DPYSL5: variants seen among roughly 807,000 people sequenced by gnomAD.
The protein encoded by DPYSL5 is dihydropyrimidinase-related protein 5.
Under a neutral mutation model 58.4 loss-of-function variants are expected in DPYSL5, and 9 were observed. That is an observed-to-expected ratio of 0.15 (90% confidence interval 0.09 to 0.27). The LOEUF (loss-of-function observed/expected upper bound fraction) is 0.27. Ranked by LOEUF, DPYSL5 falls within the 10% of genes least tolerant of loss-of-function variation. The probability of loss-of-function intolerance (pLI) is 1.00; values close to 1 mark genes in which losing one functional copy is unlikely to be tolerated. For missense variants in DPYSL5, 499 were observed against 770.6 expected, an observed-to-expected ratio of 0.65 and a Z score of 4.17; for synonymous variants, 293 against 301.9, an observed-to-expected ratio of 0.97 and a Z score of 0.31.
At chr2:26,855,205 G>A (rs891994782) in intron 1 of DPYSL5, among the ~76,000 whole-genome samples, 3 of 151,356 alleles carry the variant, frequency 2.0e-5, no homozygotes, top group Non-Finnish European at 2.9e-5. Context: ...TGAGGCGGGT[G>A]GGTCATAAAG....
intron 5 of DPYSL5, among the ~76,000 whole-genome samples, chr2:26,929,632 C>A (rs1417887286): frequency 1.3e-5 from 2 of 152,236 alleles, no homozygotes; most frequent in African/African-American, 4.8e-5. Context: ...TTCCACGAAA[C>A]CGGTCCCTGG....
At chr2:26,928,710 C>T (rs77861741) in intron 5 of DPYSL5, among the ~76,000 whole-genome samples, 23 of 40,668 alleles carry the variant, frequency 5.7e-4, no homozygotes, top group African/African-American at 9.6e-4. Context: ...TATATACACA[C>T]ACACACATAC....
chr2:26,851,847 C>T (rs987100872), intron 1 of DPYSL5, among the ~76,000 whole-genome samples: 1 of 152,054 alleles, frequency 6.6e-6, no homozygotes, highest in Non-Finnish European at 1.5e-5. Flanking sequence ...TGGGAGGAGG[C>T]TGAGGTGGAG....
At chr2:26,867,269 A>G (rs1033463452) in intron 1 of DPYSL5, among the ~76,000 whole-genome samples, 1 of 152,200 alleles carries the variant, frequency 6.6e-6, no homozygotes, top group Admixed American at 6.5e-5. Flanking sequence ...TTGGATTTAC[A>G]TTTTGGTAAA....
In DPYSL5 at chr2:26,947,457, A is replaced by C. The variant is rs1325634046; in HGVS notation, c.*462A>C. ...TTAGGCCCCGTGGTGACATTTCCCA[A>C]GTCAGACAGATGTCAGCTTCCCAGC... On this transcript the variant is annotated 3_prime_UTR_variant, in exon 13 of 13. Transcript: ENST00000288699. The surrounding 1 kb of genome is among the most constrained non-coding windows in gnomAD (Gnocchi z 4.2). 2 of 155,966 alleles carry C rather than the reference A, an allele frequency of 1.3e-5. No individual in the cohort carries two copies. Among genetic ancestry groups the C allele is most frequent in the African/African-American group, 4.8e-5 (2 of 41,558 alleles). 9.7% of individuals were successfully genotyped at this position (155,966 alleles called of 1,614,324 possible). A position where few individuals can be genotyped will look rare whatever the true frequency, so the allele number is the denominator to read the frequency against.
intron 1 of DPYSL5, among the ~76,000 whole-genome samples, chr2:26,865,958 G>A (rs1411931665): frequency 6.6e-6 from 1 of 152,154 alleles, no homozygotes; most frequent in Admixed American, 6.5e-5. Flanking sequence ...CACTCATTTT[G>A]AACCCCACCA....
chr2:26,939,737 C>A, intron 8 of DPYSL5: 1 of 333,868 alleles, frequency 3.0e-6, no homozygotes, highest in Admixed American at 4.3e-5. Context: ...TTCAGCTAGA[C>A]TCTAAGTTCG....
At chr2:26,888,704 G>A (rs578162906) in intron 1 of DPYSL5, among the ~76,000 whole-genome samples, 6 of 152,272 alleles carry the variant, frequency 3.9e-5, no homozygotes, top group South Asian at 2.1e-4. Context: ...AGTTTTTGGC[G>A]AAACATATGG....
chr2:26,933,406 T>C lies in DPYSL5; in HGVS notation c.790+73T>C. 2 of 1,411,890 alleles carry C rather than the reference T, an allele frequency of 1.4e-6. No individual in the cohort carries two copies. Among genetic ancestry groups the C allele is most frequent in the African/African-American group, 2.8e-5 (2 of 71,086 alleles). The allele number at this position is 1,411,890 out of a possible 1,614,324, so 87.5% of individuals were successfully genotyped here. ...GGAGATGGATGGGGCCCATTAGCCG[T>C]GCTCACTCCTGGCCCCGGCTCCTGA... On this transcript the variant is annotated intron_variant, in intron 7 of 12. Coordinates refer to ENST00000288699, the MANE Select transcript of DPYSL5 (RefSeq NM_020134.4). This position sits in a 1 kb window ranked among gnomAD's most constrained non-coding sequence, Gnocchi z 4.2.
chr2:26,859,264 C>G (rs147496166), intron 1 of DPYSL5, among the ~76,000 whole-genome samples: 171 of 151,996 alleles, frequency 1.1e-3, no homozygotes, highest in African/African-American at 4.0e-3. Flanking sequence ...ATAGTACAAC[C>G]ACAAAAATCC....
chr2:26,881,707 A>G (rs1301057318), intron 1 of DPYSL5, among the ~76,000 whole-genome samples: 3 of 152,146 alleles, frequency 2.0e-5, no homozygotes, highest in Admixed American at 2.0e-4. Context: ...TTTTAAGTAC[A>G]AGTATCTGGT....
rs1553323425 is a variant in DPYSL5, at chr2:26,948,093, A to ACACACACACACG, written c.*1109_*1110insGCACACACACAC. ...TGCCACCACACACACACACACACAC[A>ACACACACACACG]CACACACACACACACACGCACGGCT... On this transcript the variant is annotated 3_prime_UTR_variant, in exon 13 of 13. Transcript: ENST00000288699. The ACACACACACACG allele has an allele frequency of 1.9e-5, 3 of 154,904 alleles. No individual in the cohort carries two copies. The highest frequency in any genetic ancestry group is 7.3e-5 in the African/African-American group (3 of 40,976). 9.6% of individuals were successfully genotyped at this position (154,904 alleles called of 1,614,324 possible).
At chr2:26,943,657 T>A (rs1665384464) in intron 11 of DPYSL5, among the ~76,000 whole-genome samples, 1 of 152,232 alleles carries the variant, frequency 6.6e-6, no homozygotes, top group Admixed American at 6.5e-5. Context: ...CCAGAGCAGT[T>A]GGAACAGCTT....
intron 1 of DPYSL5, among the ~76,000 whole-genome samples, chr2:26,860,203 G>A (rs1165518129): frequency 6.6e-6 from 1 of 152,200 alleles, no homozygotes; most frequent in Non-Finnish European, 1.5e-5. Context: ...TAAATTAGGT[G>A]CTTTGTGACA....
intron 2 of DPYSL5, among the ~76,000 whole-genome samples, chr2:26,922,744 C>A (rs1664734336): frequency 6.6e-6 from 1 of 152,214 alleles, no homozygotes; most frequent in South Asian, 2.1e-4. Flanking sequence ...TAGAGTACAA[C>A]CACCTGCTGT....
intron 2 of DPYSL5, among the ~76,000 whole-genome samples, chr2:26,907,583 G>A (rs1408601797): frequency 1.3e-5 from 2 of 151,724 alleles, no homozygotes; most frequent in Admixed American, 1.3e-4. Context: ...CCCTCCCATC[G>A]ACCCATCATG....
chr2:26,874,329 C>T (rs1246352435), intron 1 of DPYSL5, among the ~76,000 whole-genome samples: 1 of 152,084 alleles, frequency 6.6e-6, no homozygotes, highest in South Asian at 2.1e-4. Flanking sequence ...TATGTCCTAA[C>T]CCAAGATCCT....
At chr2:26,941,767 T>C (rs1219937845) in intron 9 of DPYSL5, among the ~76,000 whole-genome samples, 183 bp from the exon 10 acceptor site, 1 of 152,148 alleles carries the variant, frequency 6.6e-6, no homozygotes, top group East Asian at 1.9e-4. Flanking sequence ...AAGGAATAAG[T>C]GAGCAACTGG....
chr2:26,854,274 T>G (rs1665824201), intron 1 of DPYSL5, among the ~76,000 whole-genome samples: 1 of 151,918 alleles, frequency 6.6e-6, no homozygotes, highest in African/African-American at 2.4e-5. Flanking sequence ...GCCTGGTCAA[T>G]ATGGCGAAAC....
Sources: allele counts gnomAD v4.1 joint callset (sites outside exome capture counted in the v4.1 genomes callset), GRCh38; gene constraint gnomAD v4.1.1; non-coding constraint Gnocchi (gnomAD v3.1); transcripts MANE v1.5; gene names NCBI Gene and HGNC (gene_info 2026-07-23, HGNC 2026-07-21).